Variants in CCDC91 observed in about 807,000 individuals in gnomAD.
CCDC91 encodes the protein coiled-coil domain containing 91.
Under a neutral mutation model 63.2 loss-of-function variants are expected in CCDC91, and 48 were observed. That is an observed-to-expected ratio of 0.76 (90% confidence interval 0.60 to 0.97). The LOEUF (loss-of-function observed/expected upper bound fraction) is 0.97, where lower values mean the gene tolerates loss of function less well. Among genes scored for constraint, CCDC91 ranks in the 50% least tolerant of loss-of-function variants. The probability of loss-of-function intolerance (pLI) is 0.00; values close to 1 mark genes in which losing one functional copy is unlikely to be tolerated. For synonymous variants in CCDC91, 167 were observed against 165.8 expected (o/e 1.01, Z -0.06); for missense variants, 500 against 494.6 (o/e 1.01, Z -0.10).
chr12:28,211,892 T>C (rs1320969170), intron 1 of CCDC91, among the ~76,000 whole-genome samples: 2 of 152,326 alleles, frequency 1.3e-5, no homozygotes, highest in East Asian at 1.9e-4. Flanking sequence ...ACCAGTTTCT[T>C]TGTGACCCAG....
At chr12:28,345,104 G>A (rs1372909317) in intron 6 of CCDC91, among the ~76,000 whole-genome samples, 1 of 151,938 alleles carries the variant, frequency 6.6e-6, no homozygotes, top group Non-Finnish European at 1.5e-5. Flanking sequence ...AGTACAAAAG[G>A]CTATACAGTA....
At chr12:28,393,900 C>T (rs1027863441) in intron 8 of CCDC91, among the ~76,000 whole-genome samples, 2 of 152,130 alleles carry the variant, frequency 1.3e-5, no homozygotes, top group Non-Finnish European at 2.9e-5. Flanking sequence ...AAGATTAACA[C>T]ATGAAAATCA....
At chr12:28,258,066 A>G (rs1006668100) in intron 2 of CCDC91, among the ~76,000 whole-genome samples, 8 of 151,954 alleles carry the variant, frequency 5.3e-5, no homozygotes, top group African/African-American at 1.9e-4. Flanking sequence ...TGTGAATTTC[A>G]TGAAAGAATG....
intron 6 of CCDC91, among the ~76,000 whole-genome samples, chr12:28,356,958 C>CT (rs1373798254): frequency 2.0e-5 from 3 of 152,134 alleles, no homozygotes; most frequent in Non-Finnish European, 4.4e-5. Context: ...TAAATGCTGA[C>CT]TTTTAGCCAT....
intron 12 of CCDC91, among the ~76,000 whole-genome samples, chr12:28,504,965 A>G (rs1938518629): frequency 6.6e-6 from 1 of 151,960 alleles, no homozygotes; most frequent in Non-Finnish European, 1.5e-5. Flanking sequence ...AACCTAAACT[A>G]TACACTTCAA....
In CCDC91 at chr12:28,471,499, T is replaced by C. The variant is rs151264443; in HGVS notation, c.1102-12553T>C. 2.8e-3 allele frequency among the ~76,000 whole-genome samples: 422 copies of C among 152,172 alleles called. 6 individuals are homozygous for C. Among genetic ancestry groups the C allele is most frequent in the African/African-American group, 9.6e-3 (398 of 41,536 alleles). On this transcript the variant is annotated intron_variant, in intron 11 of 12. Coordinates refer to ENST00000536442, the MANE Select transcript of CCDC91 (RefSeq NM_018318.5). ...TGGGAGATTCAATTCAAGGAATATATAGGGAACCCTCAAGAATAGGACTGA... is the reference window on the plus strand; with the variant it reads ...TGGGAGATTCAATTCAAGGAATATACAGGGAACCCTCAAGAATAGGACTGA...
At chr12:28,328,679 A>G (rs1241236669) in intron 6 of CCDC91, among the ~76,000 whole-genome samples, 3 of 152,310 alleles carry the variant, frequency 2.0e-5, no homozygotes, top group Non-Finnish European at 2.9e-5. Context: ...TCCTCTGTCC[A>G]TAATGATGTT....
At chr12:28,537,970 T>C in intron 12 of CCDC91, among the ~76,000 whole-genome samples, 1 of 152,298 alleles carries the variant, frequency 6.6e-6, no homozygotes, top group Admixed American at 6.5e-5. Flanking sequence ...TAAAGAAAAG[T>C]ACATATTAGA....
At chr12:28,288,540 G>C (rs1390584360) in intron 3 of CCDC91, among the ~76,000 whole-genome samples, 2 of 152,124 alleles carry the variant, frequency 1.3e-5, no homozygotes, top group African/African-American at 4.8e-5. Context: ...TGCATCCCAG[G>C]GATAAAGCCT....
chr12:28,337,906 C>T (rs1295961216), intron 6 of CCDC91, among the ~76,000 whole-genome samples: 10 of 151,850 alleles, frequency 6.6e-5, no homozygotes, highest in African/African-American at 2.4e-4. Context: ...ATTTAAACTC[C>T]ATTATCTAAG....
chr12:28,394,148 T>C (rs181393210), intron 8 of CCDC91, among the ~76,000 whole-genome samples: 16 of 152,212 alleles, frequency 1.1e-4, no homozygotes, highest in Admixed American at 1.0e-3. Flanking sequence ...AGCGGTTCAG[T>C]ATGATGCTTT....
At chr12:28,488,160 G>A (rs1235600719) in intron 12 of CCDC91, among the ~76,000 whole-genome samples, 2 of 151,686 alleles carry the variant, frequency 1.3e-5, no homozygotes, top group Non-Finnish European at 3.0e-5. Context: ...AGAATTCTGA[G>A]AAAATTTTAA....
chr12:28,443,273 T>A (rs1943188694), intron 8 of CCDC91, among the ~76,000 whole-genome samples: 1 of 151,814 alleles, frequency 6.6e-6, no homozygotes, highest in African/African-American at 2.4e-5. Flanking sequence ...CAACATTTCT[T>A]AGTCTAGGAT....
chr12:28,310,754 A>G (rs941871634), intron 6 of CCDC91, among the ~76,000 whole-genome samples: 15 of 151,994 alleles, frequency 9.9e-5, no homozygotes, highest in African/African-American at 3.4e-4. Context: ...GTTATTGTAT[A>G]TTTCAGTTCT....
intron 11 of CCDC91, among the ~76,000 whole-genome samples, chr12:28,476,711 A>G (rs1951115711): frequency 6.6e-6 from 1 of 152,126 alleles, no homozygotes; most frequent in Admixed American, 6.6e-5. Flanking sequence ...AACAAAATTA[A>G]TAGACCACTA....
At chr12:28,258,989 G>T (rs1383375444) in intron 2 of CCDC91, among the ~76,000 whole-genome samples, 3 of 151,882 alleles carry the variant, frequency 2.0e-5, no homozygotes, top group Admixed American at 6.6e-5. Flanking sequence ...AAAGAATTTG[G>T]TGTCTATATT....
intron 7 of CCDC91, among the ~76,000 whole-genome samples, chr12:28,367,327 A>G (rs1481546442): frequency 6.6e-6 from 1 of 152,228 alleles, no homozygotes; most frequent in African/African-American, 2.4e-5. Context: ...TGGCAATTTT[A>G]GAAGTAGAAA....
At chr12:28,292,948 T>C (rs1025239558) in intron 3 of CCDC91, among the ~76,000 whole-genome samples, 23 of 152,222 alleles carry the variant, frequency 1.5e-4, no homozygotes, top group Non-Finnish European at 2.9e-4. Context: ...TTTAGGATGC[T>C]GAGTCAGCTT....
rs557945686 is a variant in CCDC91 at position 28,310,272 on chromosome 12, A to G, written c.576+2523A>G. On this transcript the variant is annotated intron_variant, in intron 6 of 12. Transcript: ENST00000536442. ...CTTTGAGAGTTCAGTTTTTCCATCT[A>G]TAAATGGGAACAGTAACATATCAGA... Among the ~76,000 whole-genome samples the G allele has an allele frequency of 3.9e-5, 6 of 152,178 alleles. No homozygotes were observed. In the East Asian group the frequency reaches 1.2e-3, roughly 30 times the overall value.
Sources: gnomAD v4.1 joint callset for allele counts (sites outside exome capture counted in the v4.1 genomes callset) on GRCh38, gnomAD v4.1.1 for gene constraint, MANE v1.5 for transcripts, NCBI Gene and HGNC (gene_info 2026-07-23, HGNC 2026-07-21) for gene names.